Variants in CROT observed in about 807,000 individuals in gnomAD.
CROT encodes the protein peroxisomal carnitine O-octanoyltransferase.
In CROT, 84 loss-of-function variants were observed where a neutral mutation model predicts 89.2. That is an observed-to-expected ratio of 0.94 (90% confidence interval 0.79 to 1.13). The LOEUF (loss-of-function observed/expected upper bound fraction) is 1.13. Ranked by LOEUF, CROT falls within the 50% of genes most tolerant of loss-of-function variation. The pLI, the probability that CROT is intolerant of heterozygous loss-of-function variation, is 0.00. For synonymous variants in CROT, 212 were observed against 239.5 expected, an observed-to-expected ratio of 0.89 and a Z score of 1.06; for missense variants, 711 against 727.8, an observed-to-expected ratio of 0.98 and a Z score of 0.27.
intron 3 of CROT, among the ~76,000 whole-genome samples, chr7:87,350,167 T>C (rs568811974): frequency 2.2e-4 from 33 of 152,284 alleles, no homozygotes; most frequent in Admixed American, 1.9e-3. Flanking sequence ...TATGCTGTTA[T>C]GGGGTCATAA....
Position 87,382,480 on chromosome 7 carries a change from T to C in CROT, c.1238T>C (p.Met413Thr). The change falls in exon 13 of 18, where the codon ATG (methionine) becomes ACG (threonine). Residue 413 changes from methionine to threonine, a missense_variant. Met to Thr is a moderately conservative substitution (Grantham distance 81). Coordinates refer to ENST00000331536, the MANE Select transcript of CROT (RefSeq NM_021151.4). ...GGCAAAAAGCTAACCAAGAACAAGA[T>C]GCTTCACCCGGATACGTTTATTCAG... ...SFGKKLTKNK[M>T]LHPDTFIQLA... is the part of the protein sequence containing the mutation. 2 of 1,613,986 alleles carry C rather than the reference T, an allele frequency of 1.2e-6. No homozygotes were observed. The highest frequency in any genetic ancestry group is 8.5e-7 in the Non-Finnish European group (1 of 1,179,884).
At chr7:87,367,682 C>T (rs761192757) in intron 6 of CROT, among the ~76,000 whole-genome samples, 1 of 152,240 alleles carries the variant, frequency 6.6e-6, no homozygotes, top group Non-Finnish European at 1.5e-5. Context: ...CCCGCTTCCT[C>T]TTGCTTAGTC....
intron 9 of CROT, 54 bp from the exon 10 acceptor site, chr7:87,377,295 T>C: frequency 3.6e-6 from 4 of 1,106,098 alleles, no homozygotes; most frequent in South Asian, 1.4e-5. Context: ...AGATGTAAAT[T>C]CTTACAAACC....
At chr7:87,384,101 T>G (rs186371892) in intron 13 of CROT, among the ~76,000 whole-genome samples, 3 of 152,324 alleles carry the variant, frequency 2.0e-5, no homozygotes, top group East Asian at 3.9e-4. Context: ...CCTATCTTTT[T>G]GATAAAAGTG....
At chr7:87,368,775 A>G (rs1476184326) in intron 6 of CROT, among the ~76,000 whole-genome samples, 2 of 152,230 alleles carry the variant, frequency 1.3e-5, no homozygotes, top group Non-Finnish European at 2.9e-5. Flanking sequence ...TTATATCAGA[A>G]TAGTCTGAGG....
intron 13 of CROT, among the ~76,000 whole-genome samples, chr7:87,385,131 C>T (rs1394332195): frequency 6.6e-6 from 1 of 151,202 alleles, no homozygotes; most frequent in Non-Finnish European, 1.5e-5. Flanking sequence ...AATGTGATAC[C>T]TCAAGCTTTT....
intron 6 of CROT, among the ~76,000 whole-genome samples, chr7:87,362,696 T>C (rs1018456993): frequency 3.9e-5 from 6 of 152,020 alleles, no homozygotes; most frequent in Non-Finnish European, 8.8e-5. Context: ...TGTCCTAGCT[T>C]ATCTTGAAAT....
In CROT at chr7:87,377,449, A is replaced by G; in HGVS notation, c.977A>G (p.Asp326Gly). 1.3e-6 allele frequency: 2 copies of G among 1,567,806 alleles called. No individual in the cohort carries two copies. Among genetic ancestry groups the G allele is most frequent in the African/African-American group, 1.4e-5 (1 of 74,042 alleles). The change falls in exon 10 of 18, where the codon GAT becomes GGT. Residue 326 changes from aspartate (D) to glycine (G), a missense_variant and splice_region_variant. By Grantham distance (94) the Asp-to-Gly change is moderately conservative. Coordinates refer to ENST00000331536, the MANE Select transcript of CROT (RefSeq NM_021151.4). ...AATGGAGTATTTGGCTGTAATTGTG[A>G]TGTAAGTAAACTACTGAAATTTTTC... ...FSNGVFGCNCDHAPFDAMIMV... is the reference protein window; with the variant it reads ...FSNGVFGCNCGHAPFDAMIMV...
At position 87,381,995 on chromosome 7, in the gene CROT, T is replaced by C; in HGVS notation, c.1062+2T>C. 6.3e-7 allele frequency: 1 copy of C among 1,593,862 alleles called. No individual in the cohort carries two copies. Among genetic ancestry groups the C allele is most frequent in the Non-Finnish European group, 8.6e-7 (1 of 1,163,948 alleles). ...TTTCAGAATGAAGGAAGATGGAAGG[T>C]ATGTTTGAATAAATATTTCATCTTT... On this transcript the variant is annotated splice_donor_variant, in intron 11 of 17. Transcript: ENST00000331536. LOFTEE classifies it high-confidence loss of function.
Position 87,398,601 on chromosome 7 carries a change from C to A in CROT, c.1796C>A (p.Ala599Asp), listed in dbSNP as rs757765024. The A allele has an allele frequency of 1.9e-6, 3 of 1,613,570 alleles. No individual in the cohort carries two copies. The highest frequency in any genetic ancestry group is 1.1e-5 in the South Asian group (1 of 91,090). ...AAGCTAGTTCAGCTGACTTTTTGTG[C>A]TTTTCATGATATGATACAGCTGATG... ...AEKLVQLTFCAFHDMIQLMNS... is the reference protein window; with the variant it reads ...AEKLVQLTFCDFHDMIQLMNS... The change falls in exon 18 of 18, where the codon GCT becomes GAT. Residue 599 changes from alanine to aspartate, a missense_variant. Physicochemically the swap from Ala to Asp is moderately radical, Grantham distance 126. Transcript: ENST00000331536.
At chr7:87,395,422 T>C (rs1584654022) in intron 17 of CROT, among the ~76,000 whole-genome samples, 1 of 152,214 alleles carries the variant, frequency 6.6e-6, no homozygotes, top group African/African-American at 2.4e-5. Context: ...ATCAATACTT[T>C]GCATCCTTCA....
rs1562929730 is a variant in CROT at position 87,361,496 on chromosome 7, C to T, written c.347C>T (p.Pro116Leu). 8 of 1,612,254 alleles carry T rather than the reference C, an allele frequency of 5.0e-6. No homozygotes were observed. The highest frequency in any genetic ancestry group is 6.8e-6 in the Non-Finnish European group (8 of 1,179,582). Residue 116 changes from proline (P) to leucine (L), a missense_variant, in exon 5 of 18, where the codon CCA becomes CTA. Coordinates refer to ENST00000331536, the MANE Select transcript of CROT (RefSeq NM_021151.4). ...GCTCATTTTGAACACTACTGGCCTC[C>T]AAAGGAAGGGACTCAATTAGAAAGA... ...PAAHFEHYWPPKEGTQLERGS... is the reference protein window; with the variant it reads ...PAAHFEHYWPLKEGTQLERGS...
chr7:87,398,170 A>G, intron 17 of CROT: 1 of 375,446 alleles, frequency 2.7e-6, no homozygotes, highest in Non-Finnish European at 5.1e-6. Flanking sequence ...TAAAAACTGT[A>G]GCATGAATTC....
At chr7:87,379,118 T>C (rs1806907356) in intron 10 of CROT, among the ~76,000 whole-genome samples, 3 of 152,220 alleles carry the variant, frequency 2.0e-5, no homozygotes, top group Admixed American at 1.3e-4. Flanking sequence ...CTACCCTTTG[T>C]AAGGTGGTTA....
chr7:87,384,298 G>A (rs545416346), intron 13 of CROT, among the ~76,000 whole-genome samples: 8 of 152,224 alleles, frequency 5.3e-5, no homozygotes, highest in South Asian at 4.2e-4. Context: ...TTGGGAGGCC[G>A]AGGTGGGCAG....
Position 87,382,155 on chromosome 7 carries a change from C to A in CROT, c.1144C>A (p.Gln382Lys), listed in dbSNP as rs760782630. The A allele has an allele frequency of 1.1e-5, 18 of 1,612,094 alleles. No individual in the cohort carries two copies. In the Admixed American group the frequency reaches 1.3e-4, roughly 12 times the overall value. Residue 382 changes from glutamine to lysine, a missense_variant, in exon 12 of 18, where the codon CAA (glutamine) becomes AAA (lysine). By Grantham distance (53) the Gln-to-Lys change is moderately conservative. Coordinates refer to ENST00000331536, the MANE Select transcript of CROT (RefSeq NM_021151.4). ...TGAGAAAGTTTTAAATGACATCAACCAAGCTAAAGCCCAGTATCTCAGGGA... is the reference window on the plus strand; with the variant it reads ...TGAGAAAGTTTTAAATGACATCAACAAAGCTAAAGCCCAGTATCTCAGGGA... The part of the protein sequence containing the change: ...VDEKVLNDIN[Q>K]AKAQYLREAS...
intron 7 of CROT, chr7:87,369,737 A>G (rs1806568424): frequency 5.7e-6 from 1 of 175,384 alleles, no homozygotes; most frequent in South Asian, 1.5e-4. Flanking sequence ...CTGCCCCAGA[A>G]TTAATCACTC....
chr7:87,360,888 A>C (rs1806245315), intron 4 of CROT, among the ~76,000 whole-genome samples: 1 of 152,236 alleles, frequency 6.6e-6, no homozygotes, highest in South Asian at 2.1e-4. Flanking sequence ...AATACCTAAG[A>C]TCCTATAGCT....
chr7:87,348,900 C>T (rs1022432964), intron 2 of CROT, 148 bp from the exon 3 acceptor site: 2 of 441,714 alleles, frequency 4.5e-6, no homozygotes, highest in Non-Finnish European at 8.2e-6. Flanking sequence ...CTCTATCTGA[C>T]AGATTTATAA....
Sources: gnomAD v4.1 joint callset for allele counts (sites outside exome capture counted in the v4.1 genomes callset) on GRCh38, gnomAD v4.1.1 for gene constraint, MANE v1.5 for transcripts, NCBI Gene and HGNC (gene_info 2026-07-23, HGNC 2026-07-21) for gene names.